STK33: variants seen among roughly 807,000 people sequenced by gnomAD.
The protein encoded by STK33 is serine/threonine-protein kinase 33.
A neutral mutation model predicts 58.0 loss-of-function variants in STK33; 52 were observed. That is an observed-to-expected ratio of 0.90 (90% CI 0.72 to 1.13). The LOEUF is 1.13. STK33 is among the 50% of genes most tolerant of loss of function. The pLI is 0.00. For missense variants in STK33, 630 were observed against 604.2 expected (o/e 1.04, Z -0.45); for synonymous variants, 215 against 200.1 (o/e 1.07, Z -0.63).
chr11:8,493,489 C>T (rs6541593), intron 1 of STK33, among the ~76,000 whole-genome samples: 2 of 152,030 alleles, frequency 1.3e-5, no homozygotes, highest in Non-Finnish European at 1.5e-5. Flanking sequence ...CAGGACCAGA[C>T]GGATTCACAG....
the STK33 span, among the ~76,000 whole-genome samples, chr11:8,334,992 G>C: frequency 2.0e-5 from 3 of 152,230 alleles, no homozygotes; most frequent in African/African-American, 7.2e-5. Context: ...GCAGTACACA[G>C]GCTGTAGATC....
the STK33 span, among the ~76,000 whole-genome samples, chr11:8,357,751 C>A: frequency 6.6e-6 from 1 of 152,138 alleles, no homozygotes; most frequent in Non-Finnish European, 1.5e-5. Flanking sequence ...GGAATTGCAG[C>A]CTTCAGGTGC....
At chr11:8,575,833 A>G (rs1434800458) in intron 1 of STK33, among the ~76,000 whole-genome samples, 2 of 152,166 alleles carry the variant, frequency 1.3e-5, no homozygotes, top group Admixed American at 1.3e-4. Flanking sequence ...AAATCAATCT[A>G]ACTTACCATA....
chr11:8,489,260 AAAAAAAAAAAAG>A (rs955104376), intron 1 of STK33, among the ~76,000 whole-genome samples: 23 of 104,844 alleles, frequency 2.2e-4, no homozygotes, highest in Non-Finnish European at 2.7e-4. Flanking sequence ...CTATCTCCAA[AAAAAAAAAAAAG>A]AAAAAAAAAA....
intron 15 of STK33, among the ~76,000 whole-genome samples, chr11:8,393,753 G>C (rs372115163): frequency 1.3e-5 from 2 of 152,198 alleles, no homozygotes; most frequent in African/African-American, 4.8e-5. Context: ...GTGTTTCTTT[G>C]ATCATTCAGG....
the STK33 span, among the ~76,000 whole-genome samples, chr11:8,340,227 C>G: frequency 6.6e-6 from 1 of 152,134 alleles, no homozygotes; most frequent in Non-Finnish European, 1.5e-5. Context: ...TTACAAATTC[C>G]AACTTGAAAG....
Position 8,526,603 on chromosome 11 carries a change from C to G in STK33, c.-465-45989G>C, listed in dbSNP as rs563681266. On this transcript the variant is annotated intron_variant, in intron 1 of 15. Coordinates refer to ENST00000687296, the MANE Select transcript of STK33 (RefSeq NM_001352389.2). ...ATTCATAGCAATAAAAACCTGGAGA[C>G]AACCCAAATGGCCATCAACAGCTGG... Among the ~76,000 whole-genome samples the G allele has an allele frequency of 7.2e-5, 11 of 152,094 alleles. No individual in the cohort carries two copies. In the East Asian group the frequency reaches 1.7e-3, roughly 24 times the overall value.
At chr11:8,383,114 G>A in the STK33 span, among the ~76,000 whole-genome samples, 2 of 152,228 alleles carry the variant, frequency 1.3e-5, no homozygotes, top group African/African-American at 2.4e-5. Context: ...GAGGACTGGG[G>A]GTGACGGGCC....
At chr11:8,544,632 G>A (rs900847083) in intron 1 of STK33, among the ~76,000 whole-genome samples, 4 of 151,786 alleles carry the variant, frequency 2.6e-5, no homozygotes. Context: ...TATTATTCCA[G>A]GGTTAAAATT....
At chr11:8,353,534 G>C in the STK33 span, among the ~76,000 whole-genome samples, 54 of 152,226 alleles carry the variant, frequency 3.5e-4, no homozygotes, top group African/African-American at 1.3e-3. Flanking sequence ...TGCTGAAATC[G>C]GTTAGAACAG....
intron 1 of STK33, among the ~76,000 whole-genome samples, chr11:8,519,403 T>C (rs1178359240): frequency 3.9e-5 from 6 of 152,088 alleles, no homozygotes; most frequent in Admixed American, 6.5e-5. Flanking sequence ...GGATCTAAAA[T>C]TGACACCCTA....
the STK33 span, among the ~76,000 whole-genome samples, chr11:8,335,377 G>A: frequency 3.3e-5 from 5 of 152,198 alleles, no homozygotes; most frequent in Admixed American, 6.5e-5. Flanking sequence ...AGCCACCAAT[G>A]AGAGGGACCC....
intron 1 of STK33, among the ~76,000 whole-genome samples, chr11:8,499,343 G>C (rs143681192): frequency 0.17 from 25,712 of 152,206 alleles, 2,634 homozygotes; most frequent in South Asian, 0.31. Flanking sequence ...CTGGTCATTA[G>C]AGAAACGCAA....
At chr11:8,451,263 C>G (rs1946240618) in intron 11 of STK33, among the ~76,000 whole-genome samples, 1 of 152,118 alleles carries the variant, frequency 6.6e-6, no homozygotes, top group African/African-American at 2.4e-5. Context: ...ACCACATACC[C>G]TCACAAAGAC....
chr11:8,408,869 C>G (rs184465170), intron 15 of STK33, among the ~76,000 whole-genome samples: 237 of 152,300 alleles, frequency 1.6e-3, no homozygotes, highest in African/African-American at 5.0e-3. Flanking sequence ...GTGCTTAATT[C>G]CCCCTGCAAT....
the STK33 span, among the ~76,000 whole-genome samples, chr11:8,353,320 T>C: frequency 6.6e-6 from 1 of 152,236 alleles, no homozygotes; most frequent in East Asian, 1.9e-4. Context: ...CTAAGCAGCT[T>C]GGCAAAGCCC....
chr11:8,553,223 A>ATC (rs1956479475), intron 1 of STK33, among the ~76,000 whole-genome samples: 1 of 104,126 alleles, frequency 9.6e-6, no homozygotes, highest in Non-Finnish European at 1.9e-5. Context: ...ATATATATAT[A>ATC]TGGTGTGTAT....
At chr11:8,442,731 AC>A (rs1398054491) in intron 11 of STK33, among the ~76,000 whole-genome samples, 1 of 152,202 alleles carries the variant, frequency 6.6e-6, no homozygotes, top group Non-Finnish European at 1.5e-5. Flanking sequence ...CAATTTCAAA[AC>A]TTTATGCATC....
the STK33 span, among the ~76,000 whole-genome samples, chr11:8,384,844 C>T: frequency 6.6e-6 from 1 of 152,186 alleles, no homozygotes; most frequent in Non-Finnish European, 1.5e-5. Flanking sequence ...CACTACCGGA[C>T]TCCGCGCATT....
Sources: allele counts gnomAD v4.1 joint callset (sites outside exome capture counted in the v4.1 genomes callset), GRCh38; gene constraint gnomAD v4.1.1; transcripts MANE v1.5; gene names NCBI Gene and HGNC (gene_info 2026-07-23, HGNC 2026-07-21).